ABI3BP: variants seen among roughly 807,000 people sequenced by gnomAD.
ABI3BP encodes the protein ABI family member 3 binding protein, also known as target of Nesh-SH3.
Under a neutral mutation model 268.6 loss-of-function variants are expected in ABI3BP, and 216 were observed. The observed-to-expected ratio is 0.80, with a 90% CI of 0.72 to 0.90. The LOEUF (loss-of-function observed/expected upper bound fraction) is 0.90, where lower values mean the gene tolerates loss of function less well. ABI3BP is among the 40% of genes least tolerant of loss of function. ABI3BP has a pLI of 0.00. For missense variants in ABI3BP, 2,090 were observed against 2,182.4 expected (o/e 0.96, Z 0.84); for synonymous variants, 730 against 730.0 (o/e 1.00, Z 0.00).
chr3:100,789,040 T>C (rs1160601122), intron 56 of ABI3BP, among the ~76,000 whole-genome samples: 1 of 152,116 alleles, frequency 6.6e-6, no homozygotes, highest in Non-Finnish European at 1.5e-5. Flanking sequence ...TTTTATTCTC[T>C]GAAGGAATCA....
intron 10 of ABI3BP, among the ~76,000 whole-genome samples, chr3:100,865,952 G>A (rs1415102846): frequency 6.6e-6 from 1 of 152,180 alleles, no homozygotes; most frequent in African/African-American, 2.4e-5. Context: ...AGGTGGGGAT[G>A]AAAGGTTCAT....
chr3:100,782,307 A>G (rs550286127), intron 57 of ABI3BP, among the ~76,000 whole-genome samples: 6 of 152,320 alleles, frequency 3.9e-5, no homozygotes, highest in African/African-American at 1.2e-4. Flanking sequence ...GCAGAGTTAC[A>G]TTATACGTAA....
intron 28 of ABI3BP, among the ~76,000 whole-genome samples, chr3:100,835,073 C>A (rs1012741260): frequency 6.6e-6 from 1 of 152,182 alleles, no homozygotes; most frequent in African/African-American, 2.4e-5. Flanking sequence ...GGCACGTAGA[C>A]ATCACATCAG....
At chr3:100,834,646 T>G in intron 29 of ABI3BP, 38 bp downstream of exon 29, 1 of 1,520,542 alleles carries the variant, frequency 6.6e-7, no homozygotes, top group Non-Finnish European at 8.8e-7. Context: ...CCACATCCAA[T>G]GGGATGCCAC....
intron 30 of ABI3BP, 99 bp from the exon 31 acceptor site, chr3:100,832,449 G>T: frequency 8.9e-7 from 1 of 1,121,178 alleles, no homozygotes. Flanking sequence ...GTTAGAGTTT[G>T]AGTTGACAGA....
At chr3:100,886,391 T>G in intron 4 of ABI3BP, 68 bp from the exon 5 acceptor site, 1 of 1,203,724 alleles carries the variant, frequency 8.3e-7, no homozygotes, top group Non-Finnish European at 1.1e-6. Flanking sequence ...TCAAATTTCT[T>G]ACTTCATCAC....
At chr3:100,870,697 A>C (rs2099100423) in intron 9 of ABI3BP, among the ~76,000 whole-genome samples, 1 of 152,214 alleles carries the variant, frequency 6.6e-6, no homozygotes, top group Non-Finnish European at 1.5e-5. Context: ...TCTTCTGGAC[A>C]TACGTCCAAA....
At chr3:100,886,983 C>T (rs893415917) in intron 4 of ABI3BP, among the ~76,000 whole-genome samples, 7 of 151,748 alleles carry the variant, frequency 4.6e-5, no homozygotes, top group African/African-American at 1.7e-4. Flanking sequence ...GTAAAATAAT[C>T]CTTATCACTA....
At chr3:100,864,754 G>A in intron 11 of ABI3BP, 79 bp downstream of exon 11, 4 of 1,072,432 alleles carry the variant, frequency 3.7e-6, no homozygotes, top group Non-Finnish European at 4.1e-6. Context: ...AAGGCACCAG[G>A]TTTCTTTTCT....
intron 62 of ABI3BP, among the ~76,000 whole-genome samples, chr3:100,767,783 C>T (rs1486981110): frequency 6.6e-6 from 1 of 152,010 alleles, no homozygotes; most frequent in African/African-American, 2.4e-5. Flanking sequence ...AGATTTTGTT[C>T]AACAGGTGGT....
At chr3:100,970,228 T>C (rs540002451) in intron 1 of ABI3BP, among the ~76,000 whole-genome samples, 1 of 152,338 alleles carries the variant, frequency 6.6e-6, no homozygotes, top group South Asian at 2.1e-4. Flanking sequence ...AATGAACGAC[T>C]GGCTTTTGAT....
At chr3:100,868,843 G>A (rs569973695) in intron 9 of ABI3BP, among the ~76,000 whole-genome samples, 2 of 139,004 alleles carry the variant, frequency 1.4e-5, no homozygotes, top group African/African-American at 2.6e-5. Flanking sequence ...TTTTTAAAAC[G>A]TCTAAATTTT....
intron 1 of ABI3BP, among the ~76,000 whole-genome samples, chr3:100,935,209 T>C (rs532803197): frequency 6.6e-6 from 1 of 152,342 alleles, no homozygotes; most frequent in African/African-American, 2.4e-5. Context: ...TAGCCAGTTT[T>C]CCCAATACCA....
At chr3:100,987,753 TGG>T (rs1462403055) in intron 1 of ABI3BP, among the ~76,000 whole-genome samples, 1 of 152,188 alleles carries the variant, frequency 6.6e-6, no homozygotes, top group African/African-American at 2.4e-5. Context: ...ATCTGTGAAA[TGG>T]AGATAATAAT....
intron 57 of ABI3BP, among the ~76,000 whole-genome samples, chr3:100,782,646 C>T (rs1020496105): frequency 6.6e-6 from 1 of 151,972 alleles, no homozygotes; most frequent in African/African-American, 2.4e-5. Context: ...GCATTTCACC[C>T]GGGCCAGAAC....
chr3:100,788,698 T>C (rs2097119631), intron 56 of ABI3BP, among the ~76,000 whole-genome samples: 1 of 152,102 alleles, frequency 6.6e-6, no homozygotes, highest in South Asian at 2.1e-4. Flanking sequence ...TGGAAAATTA[T>C]AACAAAATAT....
At chr3:100,773,584 C>A (rs914446211) in intron 61 of ABI3BP, among the ~76,000 whole-genome samples, 4 of 152,276 alleles carry the variant, frequency 2.6e-5, no homozygotes, top group Non-Finnish European at 5.9e-5. Context: ...CATGTAGCCA[C>A]CCCTTCCTAG....
chr3:100,874,717 T>C, intron 9 of ABI3BP, 124 bp downstream of exon 9: 2 of 549,156 alleles, frequency 3.6e-6, no homozygotes. Context: ...CCAACCTCTT[T>C]GCCTCTACTT....
chr3:100,937,471 T>C (rs973367374), intron 1 of ABI3BP, among the ~76,000 whole-genome samples: 1 of 151,974 alleles, frequency 6.6e-6, no homozygotes, highest in Non-Finnish European at 1.5e-5. Flanking sequence ...GAGATATAGC[T>C]CAGCAATAAA....
Sources: gnomAD v4.1 joint callset for allele counts (sites outside exome capture counted in the v4.1 genomes callset) on GRCh38, gnomAD v4.1.1 for gene constraint, MANE v1.5 for transcripts, NCBI Gene and HGNC (gene_info 2026-07-23, HGNC 2026-07-21) for gene names.